The following GABRB1 variants were observed in gnomAD, a reference collection of about 807,000 sequenced individuals.
GABRB1 encodes the protein gamma-aminobutyric acid type A receptor subunit beta1.
A neutral mutation model predicts 51.6 loss-of-function variants in GABRB1; 17 were observed. The ratio of observed to expected loss-of-function variants is 0.33; its 90% CI spans 0.23 to 0.49. The LOEUF (loss-of-function observed/expected upper bound fraction) is 0.49. GABRB1 is among the 20% of genes least tolerant of loss of function. GABRB1 has a pLI of 0.99. For synonymous variants in GABRB1, 247 were observed against 218.9 expected (o/e 1.13, Z -1.14); for missense variants, 410 against 600.6 (o/e 0.68, Z 3.32).
chr4:47,130,594 T>G (rs1411521045), intron 3 of GABRB1, among the ~76,000 whole-genome samples: 1 of 152,140 alleles, frequency 6.6e-6, no homozygotes, highest in African/African-American at 2.4e-5. Context: ...AATGGTCAAA[T>G]GCTCTTCTTA....
chr4:47,065,816 T>C (rs140277101), intron 3 of GABRB1, among the ~76,000 whole-genome samples: 35 of 152,330 alleles, frequency 2.3e-4, no homozygotes, highest in African/African-American at 8.4e-4. Context: ...AAACATAGGA[T>C]GACAGTTTCC....
chr4:47,207,647 A>G (rs1720189826), intron 4 of GABRB1, among the ~76,000 whole-genome samples: 1 of 151,100 alleles, frequency 6.6e-6, no homozygotes, highest in Non-Finnish European at 1.5e-5. Context: ...GTGATGTCAA[A>G]TGTGCAGTGT....
chr4:47,032,733 C>G lies in GABRB1; in HGVS notation c.240+249C>G, dbSNP rs564892902. 16 of 693,388 alleles carry G rather than the reference C, an allele frequency of 2.3e-5. No homozygotes were observed. In the African/African-American group the frequency reaches 2.6e-4, roughly 11 times the overall value. 43.0% of individuals were successfully genotyped at this position (693,388 alleles called of 1,614,324 possible). On this transcript the variant is annotated intron_variant, in intron 3 of 8. Transcript: ENST00000295454. ...TTTTGGGAAGGACGAGTGACTGTTG[C>G]GCCGTGGATCTGCTGGGGCGGAGTC...
At chr4:47,326,540 G>A (rs570638038) in intron 5 of GABRB1, among the ~76,000 whole-genome samples, 1 of 152,008 alleles carries the variant, frequency 6.6e-6, no homozygotes, top group Admixed American at 6.5e-5. Flanking sequence ...AAAAAACATA[G>A]TATATGTAGG....
At chr4:47,404,742 G>A (rs1728512088) in intron 7 of GABRB1, among the ~76,000 whole-genome samples, 1 of 152,110 alleles carries the variant, frequency 6.6e-6, no homozygotes, top group Non-Finnish European at 1.5e-5. Flanking sequence ...ACAAATAATA[G>A]TATCTATCAC....
At chr4:47,373,669 G>A (rs1263291924) in intron 5 of GABRB1, among the ~76,000 whole-genome samples, 1 of 152,146 alleles carries the variant, frequency 6.6e-6, no homozygotes, top group Non-Finnish European at 1.5e-5. Flanking sequence ...GCTGTGATTT[G>A]TAAATGCACA....
intron 5 of GABRB1, among the ~76,000 whole-genome samples, chr4:47,365,392 T>C (rs1726942543): frequency 6.6e-6 from 1 of 152,214 alleles, no homozygotes; most frequent in African/African-American, 2.4e-5. Flanking sequence ...CCACTTAGTT[T>C]GAGTTAGTTT....
Position 47,425,873 on chromosome 4 carries a change from G to C in GABRB1, c.1280G>C (p.Gly427Ala). The part of the protein sequence containing the change: ...ALDRHGVPSK[G>A]RIRRRASQLK... The stretch of plus-strand genomic sequence containing the variant: ...GACCGGCACGGGGTACCCAGCAAGG[G>C]GCGCATCCGCAGGCGTGCCTCCCAG... The change falls in exon 9 of 9, where the codon GGG (glycine) becomes GCG (alanine). Residue 427 changes from glycine to alanine, a missense_variant. Transcript: ENST00000295454. 1 of 1,614,112 alleles carries C rather than the reference G, an allele frequency of 6.2e-7. No individual in the cohort carries two copies. Among genetic ancestry groups the C allele is most frequent in the African/African-American group, 1.3e-5 (1 of 75,052 alleles).
At chr4:47,350,971 A>G (rs1237336446) in intron 5 of GABRB1, among the ~76,000 whole-genome samples, 1 of 152,238 alleles carries the variant, frequency 6.6e-6, no homozygotes, top group East Asian at 1.9e-4. Context: ...GTGGATGAAC[A>G]AAGTGATGTT....
At chr4:47,034,542 C>T (rs954417017) in intron 3 of GABRB1, among the ~76,000 whole-genome samples, 6 of 152,136 alleles carry the variant, frequency 3.9e-5, no homozygotes, top group African/African-American at 1.4e-4. Flanking sequence ...CATTACCTTT[C>T]CACAACAATG....
intron 3 of GABRB1, among the ~76,000 whole-genome samples, chr4:47,157,648 C>T (rs1717762591): frequency 6.6e-6 from 1 of 152,044 alleles, no homozygotes; most frequent in South Asian, 2.1e-4. Context: ...GAGCACGCCA[C>T]AGGAGAAGGG....
chr4:47,046,350 C>A (rs1289100344), intron 3 of GABRB1, among the ~76,000 whole-genome samples: 4 of 151,994 alleles, frequency 2.6e-5, no homozygotes, highest in African/African-American at 7.2e-5. Context: ...GATAATCAAA[C>A]AAACAAAAAT....
At chr4:47,339,142 A>G (rs1725797503) in intron 5 of GABRB1, among the ~76,000 whole-genome samples, 1 of 152,230 alleles carries the variant, frequency 6.6e-6, no homozygotes, top group Non-Finnish European at 1.5e-5. Context: ...TAAAATAATC[A>G]AAACAGTAGG....
At chr4:47,037,387 G>A (rs1451927621) in intron 3 of GABRB1, among the ~76,000 whole-genome samples, 1 of 152,114 alleles carries the variant, frequency 6.6e-6, no homozygotes, top group East Asian at 1.9e-4. Flanking sequence ...TAGCTAGCAT[G>A]TAAATACATT....
rs187120912 is a variant in GABRB1, at chr4:47,342,378, A to G, written c.544+22169A>G. Among the ~76,000 whole-genome samples, 17 of 146,902 alleles carry G rather than the reference A, an allele frequency of 1.2e-4. 1 individual carries two copies. The East Asian group carries it at 3.2e-3, about 27-fold the overall frequency. ...TTTAATACTTGTCTTATTCTACAAA[A>G]GACATGAGGCACCCCACAAAAAAAT... On this transcript the variant is annotated intron_variant, in intron 5 of 8. Transcript: ENST00000295454.
chr4:47,135,044 C>A (rs1560551436), intron 3 of GABRB1, among the ~76,000 whole-genome samples: 1 of 152,104 alleles, frequency 6.6e-6, no homozygotes, highest in Non-Finnish European at 1.5e-5. Context: ...CCCAGGAGTT[C>A]AGGAGTTCAA....
At chr4:47,214,085 T>G (rs755056235) in intron 4 of GABRB1, among the ~76,000 whole-genome samples, 3 of 152,172 alleles carry the variant, frequency 2.0e-5, no homozygotes, top group Non-Finnish European at 4.4e-5. Context: ...AGTGTGCCTG[T>G]TACTGACAGA....
At chr4:47,139,225 A>G (rs1334745489) in intron 3 of GABRB1, among the ~76,000 whole-genome samples, 2 of 151,994 alleles carry the variant, frequency 1.3e-5, no homozygotes, top group African/African-American at 2.4e-5. Context: ...GATGCCTCTA[A>G]AACAGTTCCC....
chr4:47,306,222 A>C (rs1724464044), intron 4 of GABRB1, among the ~76,000 whole-genome samples: 2 of 151,366 alleles, frequency 1.3e-5, no homozygotes, highest in South Asian at 4.2e-4. Context: ...CAGAACTTAA[A>C]GTAAAATAAA....
Sources: allele counts gnomAD v4.1 joint callset (sites outside exome capture counted in the v4.1 genomes callset), GRCh38; gene constraint gnomAD v4.1.1; transcripts MANE v1.5; gene names NCBI Gene and HGNC (gene_info 2026-07-23, HGNC 2026-07-21).